Variants in PTDSS1 observed in about 807,000 individuals in gnomAD.
The protein encoded by PTDSS1 is PSS-1.
Under a neutral mutation model 70.5 loss-of-function variants are expected in PTDSS1, and 45 were observed. The observed-to-expected ratio is 0.64, with a 90% confidence interval of 0.50 to 0.82. The LOEUF is 0.82. Among genes scored for constraint, PTDSS1 ranks in the 40% least tolerant of loss-of-function variants. The pLI, the probability that PTDSS1 is intolerant of heterozygous loss-of-function variation, is 0.00. For synonymous variants in PTDSS1, 188 were observed against 203.8 expected (o/e 0.92, Z 0.66); for missense variants, 417 against 586.1 (o/e 0.71, Z 2.98).
At chr8:96,294,406 TATG>T (rs1205148204) in intron 4 of PTDSS1, among the ~76,000 whole-genome samples, 2 of 152,196 alleles carry the variant, frequency 1.3e-5, no homozygotes, top group African/African-American at 4.8e-5. Context: ...CATGCAGTCA[TATG>T]ATAAGATATT....
chr8:96,306,409 G>A (rs1397378671), intron 7 of PTDSS1, 35 bp from the exon 8 acceptor site: 3 of 1,434,508 alleles, frequency 2.1e-6, no homozygotes, highest in East Asian at 4.6e-5. Flanking sequence ...ATTAGCATGA[G>A]GTACCAGGTT....
chr8:96,299,074 TG>T (rs1179465897), intron 5 of PTDSS1, among the ~76,000 whole-genome samples: 1 of 151,722 alleles, frequency 6.6e-6, no homozygotes, highest in Non-Finnish European at 1.5e-5. Flanking sequence ...ATCTGACACC[TG>T]TCCTTGAAAT....
Position 96,262,145 on chromosome 8 carries a change from C to G in PTDSS1, c.105C>G (p.Asp35Glu). 1 of 1,613,990 alleles carries G rather than the reference C, an allele frequency of 6.2e-7. No individual in the cohort carries two copies. Among genetic ancestry groups the G allele is most frequent in the Non-Finnish European group, 8.5e-7 (1 of 1,179,858 alleles). Residue 35 changes from aspartate (D) to glutamate (E), a missense_variant, in exon 1 of 13, where the codon GAC becomes GAG. Around this residue, in one of 3 missense-constraint regions of PTDSS1, gnomAD observed 272 missense variants for 429.5 expected, o/e 0.63. Coordinates refer to ENST00000517309, the MANE Select transcript of PTDSS1 (RefSeq NM_014754.3). This position sits in a 1 kb window ranked among gnomAD's most constrained non-coding sequence, Gnocchi z 4.4. ...NEQQVEDITI[D>E]FFYRPHTITL... ...AGCAAGTGGAGGACATCACCATTGACTTCTTCTACCGGCCGCATACCATCA... is the reference window on the plus strand; with the variant it reads ...AGCAAGTGGAGGACATCACCATTGAGTTCTTCTACCGGCCGCATACCATCA...
At chr8:96,290,337 G>A (rs1205763978) in intron 4 of PTDSS1, among the ~76,000 whole-genome samples, 4 of 152,172 alleles carry the variant, frequency 2.6e-5, no homozygotes, top group Admixed American at 2.0e-4. Flanking sequence ...TGACTTGCAG[G>A]TGGATGTGCT....
At chr8:96,321,015 A>T (rs1289264476) in intron 10 of PTDSS1, among the ~76,000 whole-genome samples, 1 of 152,250 alleles carries the variant, frequency 6.6e-6, no homozygotes, top group Non-Finnish European at 1.5e-5. Context: ...TTTTGAAGAA[A>T]AGTTCTTATT....
At chr8:96,326,857 G>A (rs187473714) in intron 10 of PTDSS1, among the ~76,000 whole-genome samples, 196 of 152,312 alleles carry the variant, frequency 1.3e-3, no homozygotes, top group African/African-American at 4.4e-3. Flanking sequence ...CTGAACCAAG[G>A]CAGAGGCATT....
At chr8:96,323,877 C>T (rs575450360) in intron 10 of PTDSS1, among the ~76,000 whole-genome samples, 21 of 152,208 alleles carry the variant, frequency 1.4e-4, no homozygotes, top group Non-Finnish European at 1.6e-4. Context: ...CCAGATTATT[C>T]CATTCTGCTT....
At chr8:96,325,413 T>G (rs531909514) in intron 10 of PTDSS1, among the ~76,000 whole-genome samples, 3 of 152,228 alleles carry the variant, frequency 2.0e-5, no homozygotes, top group Non-Finnish European at 4.4e-5. Flanking sequence ...TGCTGGGGGT[T>G]GGTGAAGGCT....
Position 96,273,227 on chromosome 8 carries a change from GA to G in PTDSS1, c.180-69del. Reference sequence around the variant, plus strand: ...GCAGTCCCCCAGTTTTTAGAACATGGAAATCTTCCTTCCTCTAGGTTTTCTA... The same window carrying G: ...GCAGTCCCCCAGTTTTTAGAACATGGAATCTTCCTTCCTCTAGGTTTTCTA... On this transcript the variant is annotated intron_variant, in intron 1 of 12. Coordinates refer to ENST00000517309, the MANE Select transcript of PTDSS1 (RefSeq NM_014754.3). 5 of 1,135,458 alleles carry G rather than the reference GA, an allele frequency of 4.4e-6. No individual in the cohort carries two copies. In the South Asian group the frequency reaches 7.9e-5, roughly 18 times the overall value. 70.3% of individuals were successfully genotyped at this position (1,135,458 alleles called of 1,614,324 possible). A position where few individuals can be genotyped will look rare whatever the true frequency, so the allele number is the denominator to read the frequency against.
rs1318967780 is a variant in PTDSS1 at position 96,336,994 on chromosome 8, T to C, written c.*3428T>C. 4.5e-5 allele frequency: 2 copies of C among 44,802 alleles called. No homozygotes were observed. The highest frequency in any genetic ancestry group is 7.2e-4 in the Admixed American group (2 of 2,766). 2.8% of individuals were successfully genotyped at this position (44,802 alleles called of 1,614,324 possible). ...ACCTGGGCGACAGAGCGAGACTATC[T>C]CAAAAAAAAAAAAAAAAAAAAAAAA... On this transcript the variant is annotated 3_prime_UTR_variant, in exon 13 of 13. Coordinates refer to ENST00000517309, the MANE Select transcript of PTDSS1 (RefSeq NM_014754.3).
intron 4 of PTDSS1, among the ~76,000 whole-genome samples, chr8:96,288,809 A>G (rs1350056063): frequency 2.0e-5 from 3 of 149,342 alleles, no homozygotes; most frequent in African/African-American, 7.4e-5. Flanking sequence ...TTGTATTTTT[A>G]GTAGAGACAG....
At chr8:96,287,320 T>C (rs2130057917) in intron 4 of PTDSS1, 174 bp downstream of exon 4, 1 of 807,552 alleles carries the variant, frequency 1.2e-6, no homozygotes, top group Non-Finnish European at 1.9e-6. Flanking sequence ...GTGATAGAGT[T>C]CAGGGAAAGA....
At chr8:96,295,029 C>G in intron 4 of PTDSS1, 69 bp from the exon 5 acceptor site, 1 of 1,418,300 alleles carries the variant, frequency 7.1e-7, no homozygotes, top group Non-Finnish European at 9.6e-7. Flanking sequence ...TTTTTATTTA[C>G]CGGCAGAATC....
At chr8:96,323,446 T>C (rs548810298) in intron 10 of PTDSS1, among the ~76,000 whole-genome samples, 141 of 152,364 alleles carry the variant, frequency 9.3e-4, no homozygotes, top group African/African-American at 3.2e-3. Context: ...TCTTGCGTTT[T>C]GCATACCTGC....
chr8:96,298,193 T>G (rs1412409816), intron 5 of PTDSS1, among the ~76,000 whole-genome samples: 2 of 152,200 alleles, frequency 1.3e-5, no homozygotes, highest in Non-Finnish European at 2.9e-5. Flanking sequence ...GGGTTAAGAA[T>G]GCAGCCACAA....
At chr8:96,315,386 T>C (rs1471685864) in intron 9 of PTDSS1, among the ~76,000 whole-genome samples, 1 of 152,218 alleles carries the variant, frequency 6.6e-6, no homozygotes, top group African/African-American at 2.4e-5. Flanking sequence ...ATGGCATTCC[T>C]GTGGCATCCT....
chr8:96,304,033 C>A lies in PTDSS1; in HGVS notation c.753-7C>A. The A allele has an allele frequency of 6.2e-7, 1 of 1,601,838 alleles. No homozygotes were observed. The highest frequency in any genetic ancestry group is 1.4e-5 in the African/African-American group (1 of 73,982). Reference sequence around the variant, plus strand: ...GGATTTTCACTGGAGCCATTCTCTTCTTACAGGGACATTCATACCACCACC... The same window carrying A: ...GGATTTTCACTGGAGCCATTCTCTTATTACAGGGACATTCATACCACCACC... On this transcript the variant is annotated splice_polypyrimidine_tract_variant and splice_region_variant and intron_variant, in intron 6 of 12. Transcript: ENST00000517309.
chr8:96,330,303 T>C (rs748479885), intron 11 of PTDSS1, 22 bp downstream of exon 11: 1 of 1,594,234 alleles, frequency 6.3e-7, no homozygotes, highest in African/African-American at 1.3e-5. Context: ...GAGGCAGGCA[T>C]GGCCATTGTT....
chr8:96,309,567 G>A lies in PTDSS1; in HGVS notation c.1018G>A (p.Ala340Thr), dbSNP rs1811176411. The A allele has an allele frequency of 6.2e-7, 1 of 1,613,924 alleles. No individual in the cohort carries two copies. The highest frequency in any genetic ancestry group is 8.5e-7 in the Non-Finnish European group (1 of 1,179,946). The change falls in exon 9 of 13, where the codon GCT becomes ACT. Residue 340 changes from alanine to threonine, a missense_variant. By Grantham distance (58) the Ala-to-Thr change is moderately conservative. This residue lies in a region of PTDSS1 where 272 missense variants were observed against 429.5 expected (regional missense o/e 0.63). Transcript: ENST00000517309. ...ACTTTGTTCTTTCAGACAGTACTAC[G>A]CTTACCTCACCGACACACAGTGCAA... ...ITAPTVRQYYAYLTDTQCKRV... is the reference protein window; with the variant it reads ...ITAPTVRQYYTYLTDTQCKRV...
Sources: allele counts gnomAD v4.1 joint callset (sites outside exome capture counted in the v4.1 genomes callset), GRCh38; gene constraint gnomAD v4.1.1; regional missense constraint gnomAD v4.1.1; non-coding constraint Gnocchi (gnomAD v3.1); transcripts MANE v1.5; gene names NCBI Gene and HGNC (gene_info 2026-07-23, HGNC 2026-07-21).